The following CTNNA2 variants were observed in gnomAD, a reference collection of about 807,000 sequenced individuals.
CTNNA2 encodes catenin alpha 2, also known as catenin alpha-2.
In CTNNA2, 42 loss-of-function variants were observed where a neutral mutation model predicts 101.0. The observed-to-expected ratio is 0.42, with a 90% CI of 0.32 to 0.54. The LOEUF is 0.54. Among genes scored for constraint, CTNNA2 ranks in the 20% least tolerant of loss-of-function variants. The pLI is 0.14. For synonymous variants in CTNNA2, 450 were observed against 456.4 expected (o/e 0.99, Z 0.18); for missense variants, 871 against 1,223.1 (o/e 0.71, Z 4.29).
chr2:80,125,276 C>T (rs1011467131), intron 7 of CTNNA2, among the ~76,000 whole-genome samples: 32 of 152,184 alleles, frequency 2.1e-4, no homozygotes, highest in African/African-American at 5.3e-4. Flanking sequence ...TCACAGGCTC[C>T]GGCTCTCAAG....
intron 7 of CTNNA2, among the ~76,000 whole-genome samples, chr2:80,214,992 T>C (rs1303643772): frequency 1.3e-5 from 2 of 152,194 alleles, no homozygotes; most frequent in Non-Finnish European, 2.9e-5. Flanking sequence ...CTCTTCTCGC[T>C]TCATTTCATT....
At chr2:79,689,144 C>T (rs541812694) in intron 2 of CTNNA2, among the ~76,000 whole-genome samples, 38 of 151,768 alleles carry the variant, frequency 2.5e-4, no homozygotes, top group African/African-American at 8.7e-4. Context: ...TGGGATTCCT[C>T]ACAGCATGGG....
chr2:80,217,640 T>G (rs1278560498), intron 7 of CTNNA2, among the ~76,000 whole-genome samples: 1 of 152,246 alleles, frequency 6.6e-6, no homozygotes, highest in Non-Finnish European at 1.5e-5. Context: ...TAGATATTGC[T>G]GAGTACACAT....
Position 80,303,901 on chromosome 2 carries a change from G to A in CTNNA2, c.1057-89310G>A. 1 of 1,422,814 alleles carries A rather than the reference G, an allele frequency of 7.0e-7. No individual in the cohort carries two copies. Among genetic ancestry groups the A allele is most frequent in the Non-Finnish European group, 9.2e-7 (1 of 1,083,502 alleles). 88.1% of individuals were successfully genotyped at this position (1,422,814 alleles called of 1,614,324 possible). Reference sequence around the variant, plus strand: ...AATCTACATCATATTTTATTCCGAGGGAGGGGAAGCGGGGGAGGGGGAGAA... The same window carrying A: ...AATCTACATCATATTTTATTCCGAGAGAGGGGAAGCGGGGGAGGGGGAGAA... On this transcript the variant is annotated intron_variant, in intron 7 of 18. Transcript: ENST00000402739. The surrounding 1 kb of genome is among the most constrained non-coding windows in gnomAD (Gnocchi z 7.7).
chr2:79,774,190 T>C (rs1190629990), intron 3 of CTNNA2, among the ~76,000 whole-genome samples: 1 of 152,164 alleles, frequency 6.6e-6, no homozygotes, highest in Non-Finnish European at 1.5e-5. Context: ...GTTGTAATGC[T>C]GACATGAGAG....
At chr2:80,035,969 A>G (rs1477011103) in intron 7 of CTNNA2, among the ~76,000 whole-genome samples, 1 of 152,202 alleles carries the variant, frequency 6.6e-6, no homozygotes, top group Non-Finnish European at 1.5e-5. Flanking sequence ...GAGAAAAGCA[A>G]TAGATGTAAT....
At position 79,894,428 on chromosome 2, in the gene CTNNA2, C is replaced by T. The variant is rs568231263; in HGVS notation, c.853-15166C>T. 7.9e-5 allele frequency among the ~76,000 whole-genome samples: 12 copies of T among 151,628 alleles called. No homozygotes were observed. The South Asian group carries it at 2.3e-3, about 29-fold the overall frequency. On this transcript the variant is annotated intron_variant, in intron 6 of 18. Coordinates refer to ENST00000402739, the MANE Select transcript of CTNNA2 (RefSeq NM_001282597.3). ...ATATTATTTACTAGTAAAACTCTGT[C>T]TTCAGGATCAACTTTAAAGCTCTTA...
At chr2:80,049,920 C>A (rs536595741) in intron 7 of CTNNA2, among the ~76,000 whole-genome samples, 20 of 152,274 alleles carry the variant, frequency 1.3e-4, no homozygotes, top group Admixed American at 5.2e-4. Context: ...ATTGCCCCTC[C>A]CCTCTAAAGA....
At chr2:79,957,603 C>A (rs1307338355) in intron 7 of CTNNA2, among the ~76,000 whole-genome samples, 2 of 152,176 alleles carry the variant, frequency 1.3e-5, no homozygotes, top group Non-Finnish European at 2.9e-5. Context: ...TTCCTTCCTG[C>A]TGTTGCAATC....
chr2:80,122,620 C>T (rs1701903743), intron 7 of CTNNA2, among the ~76,000 whole-genome samples: 1 of 152,060 alleles, frequency 6.6e-6, no homozygotes, highest in Admixed American at 6.6e-5. Context: ...GATTTTGATC[C>T]ATGCTTGGCA....
intron 7 of CTNNA2, among the ~76,000 whole-genome samples, chr2:79,998,831 G>A (rs62139634): frequency 0.19 from 28,582 of 152,102 alleles, 3,435 homozygotes; most frequent in Middle Eastern, 0.3. Flanking sequence ...ACCCCCAGGA[G>A]AAACCACAGT....
At chr2:79,919,990 G>T (rs1686541447) in intron 7 of CTNNA2, among the ~76,000 whole-genome samples, 1 of 152,162 alleles carries the variant, frequency 6.6e-6, no homozygotes, top group Non-Finnish European at 1.5e-5. Context: ...GCCGAGGTGG[G>T]TGGATTACCT....
At chr2:79,626,619 A>ATGTGTGTGTGTGTGTG (rs71867416) in intron 1 of CTNNA2, among the ~76,000 whole-genome samples, 1 of 142,388 alleles carries the variant, frequency 7.0e-6, no homozygotes, top group Non-Finnish European at 1.5e-5. Flanking sequence ...GTGTGTGTGT[A>ATGTGTGTGTGTGTGTG]TGTGTGTGTG....
At chr2:79,953,248 C>A (rs894209993) in intron 7 of CTNNA2, among the ~76,000 whole-genome samples, 7 of 152,226 alleles carry the variant, frequency 4.6e-5, no homozygotes, top group Middle Eastern at 3.4e-3. Flanking sequence ...ACGTTTGGCA[C>A]CTCTCCCTGA....
chr2:79,333,327 C>T (rs1676919636), intron 3 of CTNNA2, among the ~76,000 whole-genome samples: 1 of 152,176 alleles, frequency 6.6e-6, no homozygotes, highest in East Asian at 1.9e-4. Flanking sequence ...GAATATTCAT[C>T]GTGTTCCAGG....
intron 7 of CTNNA2, among the ~76,000 whole-genome samples, chr2:80,216,031 G>A (rs898787535): frequency 4.6e-5 from 7 of 152,184 alleles, no homozygotes; most frequent in African/African-American, 1.7e-4. Context: ...AGCAGTGAGC[G>A]AGGCTCCATG....
At chr2:80,492,413 A>G (rs1687135114) in intron 9 of CTNNA2, among the ~76,000 whole-genome samples, 1 of 152,192 alleles carries the variant, frequency 6.6e-6, no homozygotes, top group African/African-American at 2.4e-5. Context: ...ATGAGAATGG[A>G]CTCATACAGA....
chr2:80,201,452 C>A (rs1171830468), intron 7 of CTNNA2, among the ~76,000 whole-genome samples: 2 of 142,986 alleles, frequency 1.4e-5, no homozygotes, highest in South Asian at 2.2e-4. Context: ...CGGCTCACTG[C>A]AAGCTCCGCC....
At chr2:80,290,610 A>G (rs1489081053) in intron 7 of CTNNA2, among the ~76,000 whole-genome samples, 1 of 151,318 alleles carries the variant, frequency 6.6e-6, no homozygotes, top group East Asian at 1.9e-4. Flanking sequence ...TTTTTTTCCT[A>G]ATTACTCCCC....
Sources: allele counts gnomAD v4.1 joint callset (sites outside exome capture counted in the v4.1 genomes callset), GRCh38; gene constraint gnomAD v4.1.1; non-coding constraint Gnocchi (gnomAD v3.1); transcripts MANE v1.5; gene names NCBI Gene and HGNC (gene_info 2026-07-23, HGNC 2026-07-21).